The following FAR2 variants were observed in gnomAD, a reference collection of about 807,000 sequenced individuals.
The protein encoded by FAR2 is fatty acyl-CoA reductase 2.
Under a neutral mutation model 56.0 loss-of-function variants are expected in FAR2, and 19 were observed. The ratio of observed to expected loss-of-function variants is 0.34; its 90% CI spans 0.24 to 0.50. FAR2 has a LOEUF of 0.50. Among genes scored for constraint, FAR2 ranks in the 20% least tolerant of loss-of-function variants. The pLI is 0.98. For missense variants in FAR2, 508 were observed against 642.2 expected (o/e 0.79, Z 2.26); for synonymous variants, 219 against 218.8 (o/e 1.00, Z -0.01).
chr12:29,225,602 G>C (rs963077924), intron 1 of FAR2, among the ~76,000 whole-genome samples: 1 of 152,150 alleles, frequency 6.6e-6, no homozygotes, highest in South Asian at 2.1e-4. Flanking sequence ...TTTCTAGTCA[G>C]AGTACACCTC....
At chr12:29,190,925 T>C (rs1234366838) in intron 1 of FAR2, among the ~76,000 whole-genome samples, 1 of 152,230 alleles carries the variant, frequency 6.6e-6, no homozygotes, top group African/African-American at 2.4e-5. Flanking sequence ...TTAAATCAAC[T>C]CTTTGGGATT....
chr12:29,290,502 T>C (rs1167657152), intron 2 of FAR2, among the ~76,000 whole-genome samples: 1 of 151,796 alleles, frequency 6.6e-6, no homozygotes, highest in East Asian at 1.9e-4. Flanking sequence ...CTGCAAGGTA[T>C]ATACCCAACA....
chr12:29,280,459 G>A, intron 2 of FAR2: 1 of 152,146 alleles, frequency 6.6e-6, no homozygotes, highest in Non-Finnish European at 1.5e-5. Flanking sequence ...TTGCGGGAAA[G>A]GAAAGTATAA....
chr12:29,160,513 T>C (rs1949773158), intron 1 of FAR2, among the ~76,000 whole-genome samples: 2 of 152,222 alleles, frequency 1.3e-5, no homozygotes, highest in South Asian at 4.1e-4. Context: ...TCCTGCTATA[T>C]GGCTGTATTC....
chr12:29,203,709 A>G (rs1947441578), intron 1 of FAR2, among the ~76,000 whole-genome samples: 1 of 152,124 alleles, frequency 6.6e-6, no homozygotes, highest in African/African-American at 2.4e-5. Flanking sequence ...GGTAGATGAA[A>G]ATTATGTCGG....
At chr12:29,288,030 T>A (rs1272721563) in intron 2 of FAR2, among the ~76,000 whole-genome samples, 7 of 152,338 alleles carry the variant, frequency 4.6e-5, no homozygotes, top group Admixed American at 3.9e-4. Context: ...ATTTTCTTAC[T>A]TAAGAGTTTG....
At chr12:29,184,465 C>T (rs1260174138) in intron 1 of FAR2, among the ~76,000 whole-genome samples, 2 of 123,372 alleles carry the variant, frequency 1.6e-5, no homozygotes, top group Admixed American at 1.1e-4. Flanking sequence ...GATGGAGTCT[C>T]GCCCTGTCGC....
chr12:29,175,364 T>C (rs1268373899), intron 1 of FAR2, among the ~76,000 whole-genome samples: 2 of 152,206 alleles, frequency 1.3e-5, no homozygotes, highest in Admixed American at 6.5e-5. Context: ...AGTTTCTTCC[T>C]TCTGCTGGGT....
intron 1 of FAR2, among the ~76,000 whole-genome samples, chr12:29,157,283 G>A (rs1021820884): frequency 3.9e-4 from 59 of 151,582 alleles, no homozygotes; most frequent in African/African-American, 1.3e-3. Context: ...GTATTATTTC[G>A]AAGTCCTAGA....
intron 1 of FAR2, among the ~76,000 whole-genome samples, chr12:29,231,310 T>C (rs1396055823): frequency 6.6e-6 from 1 of 152,124 alleles, no homozygotes; most frequent in East Asian, 1.9e-4. Context: ...CAGGACTCCA[T>C]AGTGGGTCAA....
At chr12:29,273,013 G>C (rs990712346) in intron 2 of FAR2, among the ~76,000 whole-genome samples, 27 of 152,258 alleles carry the variant, frequency 1.8e-4, no homozygotes, top group African/African-American at 4.8e-4. Context: ...ATGGGTCCCT[G>C]CTCCTTCTCC....
At chr12:29,222,573 G>A (rs1298433726) in intron 1 of FAR2, among the ~76,000 whole-genome samples, 2 of 151,502 alleles carry the variant, frequency 1.3e-5, no homozygotes, top group Non-Finnish European at 2.9e-5. Context: ...TATTTTACCT[G>A]TTTCTTTTTC....
intron 6 of FAR2, 136 bp downstream of exon 6, chr12:29,309,366 T>C (rs1949308052): frequency 2.9e-6 from 2 of 689,008 alleles, no homozygotes; most frequent in Non-Finnish European, 5.0e-6. Flanking sequence ...ATTATTTTAA[T>C]TGTTCTGATT....
chr12:29,311,163 G>A lies in FAR2; in HGVS notation c.887+17G>A. The A allele has an allele frequency of 6.3e-7, 1 of 1,576,332 alleles. No homozygotes were observed. The highest frequency in any genetic ancestry group is 1.1e-5 in the South Asian group (1 of 90,226). On this transcript the variant is annotated intron_variant, in intron 7 of 11. Coordinates refer to ENST00000536681, the MANE Select transcript of FAR2 (RefSeq NM_001271783.2). ...AGTTCACAGGTGTGGATGCTCAAGT[G>A]GGCTTTCAAAGACTTCATGAGGGGC...
chr12:29,203,810 T>C (rs937328680), intron 1 of FAR2, among the ~76,000 whole-genome samples: 3 of 151,666 alleles, frequency 2.0e-5, no homozygotes, highest in Non-Finnish European at 4.4e-5. Context: ...CCATCCTGGC[T>C]AACACAGTGA....
chr12:29,234,477 G>A (rs1254887610), intron 1 of FAR2, among the ~76,000 whole-genome samples: 1 of 151,986 alleles, frequency 6.6e-6, no homozygotes, highest in African/African-American at 2.4e-5. Flanking sequence ...CCTTTTCACA[G>A]CTATATTTTG....
intron 1 of FAR2, among the ~76,000 whole-genome samples, chr12:29,236,503 A>G (rs1947943953): frequency 6.6e-6 from 1 of 152,204 alleles, no homozygotes; most frequent in African/African-American, 2.4e-5. Flanking sequence ...CAGGGCACTT[A>G]CAATCATGGT....
intron 1 of FAR2, among the ~76,000 whole-genome samples, chr12:29,166,388 C>T (rs772050988): frequency 5.1e-4 from 77 of 152,226 alleles, no homozygotes; most frequent in Admixed American, 1.2e-3. Flanking sequence ...CCTGAGTAAC[C>T]TTGTGAGGTG....
At chr12:29,269,317 A>C (rs573084713) in intron 1 of FAR2, among the ~76,000 whole-genome samples, 1 of 152,346 alleles carries the variant, frequency 6.6e-6, no homozygotes, top group South Asian at 2.1e-4. Flanking sequence ...TTTTGAAAGA[A>C]GAGAAATATG....
Sources: allele counts gnomAD v4.1 joint callset (sites outside exome capture counted in the v4.1 genomes callset), GRCh38; gene constraint gnomAD v4.1.1; transcripts MANE v1.5; gene names NCBI Gene and HGNC (gene_info 2026-07-23, HGNC 2026-07-21).